Variants in ATXN10 observed in about 807,000 individuals in gnomAD.
ATXN10 encodes the protein ataxin-10.
Under a neutral mutation model 52.9 loss-of-function variants are expected in ATXN10, and 28 were observed. That is an observed-to-expected ratio of 0.53 (90% CI 0.39 to 0.73). The LOEUF is 0.73. ATXN10 is among the 30% of genes least tolerant of loss of function. The pLI is 0.00. For missense variants in ATXN10, 565 were observed against 577.0 expected (o/e 0.98, Z 0.21); for synonymous variants, 226 against 221.5 (o/e 1.02, Z -0.18).
At chr22:45,811,823 T>A (rs767733250) in intron 10 of ATXN10, 12 of 469,060 alleles carry the variant, frequency 2.6e-5, no homozygotes, top group South Asian at 1.9e-4. Flanking sequence ...TCATTCAGTG[T>A]CATGATCTTT....
intron 5 of ATXN10, among the ~76,000 whole-genome samples, chr22:45,703,765 C>T (rs1193376114): frequency 6.6e-6 from 1 of 152,182 alleles, no homozygotes; most frequent in Non-Finnish European, 1.5e-5. Context: ...CCTGAGGAGG[C>T]CTTCTTGACT....
At position 45,672,094 on chromosome 22, in the gene ATXN10, C is replaced by T. The variant is rs551371726; in HGVS notation, c.31C>T (p.Leu11=). Residue 11 remains leucine, a synonymous_variant, in exon 1 of 12, where the codon CTG becomes TTG. Transcript: ENST00000252934. ...GGCGCCCAGGCCGCCGCCTGCCAGG[C>T]TGTCGGGCGTCATGGTGCCGGCGCC... MAAPRPPPAR[L]SGVMVPAPIQ... 263 of 1,539,136 alleles carry T rather than the reference C, an allele frequency of 1.7e-4. No homozygotes were observed. The highest frequency in any genetic ancestry group is 2.1e-4 in the Non-Finnish European group (242 of 1,145,518).
chr22:45,776,379 A>T (rs745514207), intron 9 of ATXN10, among the ~76,000 whole-genome samples: 1 of 152,170 alleles, frequency 6.6e-6, no homozygotes, highest in Non-Finnish European at 1.5e-5. Context: ...TGCAGGTGTG[A>T]TGCGTGACAT....
At chr22:45,695,940 C>T (rs1475426890) in intron 3 of ATXN10, among the ~76,000 whole-genome samples, 1 of 152,066 alleles carries the variant, frequency 6.6e-6, no homozygotes, top group East Asian at 1.9e-4. Flanking sequence ...CTGTGATTTC[C>T]TAGTGTTTTC....
rs897471066 is a variant in ATXN10 at position 45,843,948 on chromosome 22, A to G, written c.*277A>G. 54 of 483,780 alleles carry G rather than the reference A, an allele frequency of 1.1e-4. No individual in the cohort carries two copies. Among genetic ancestry groups the G allele is most frequent in the Non-Finnish European group, 1.9e-4 (50 of 269,922 alleles). The allele number at this position is 483,780 out of a possible 1,614,324, so 30.0% of individuals were successfully genotyped here. A position where few individuals can be genotyped will look rare whatever the true frequency, so the allele number is the denominator to read the frequency against. On this transcript the variant is annotated 3_prime_UTR_variant, in exon 12 of 12. Transcript: ENST00000252934. This position sits in a 1 kb window ranked among gnomAD's most constrained non-coding sequence, Gnocchi z 4.5. ...TATTGTACTTACTGTGACAGCAGAT[A>G]ATAAACCAGTCTCTTGGAGGGCACA...
At chr22:45,794,315 A>G (rs1927631126) in intron 9 of ATXN10, among the ~76,000 whole-genome samples, 1 of 152,068 alleles carries the variant, frequency 6.6e-6, no homozygotes, top group Non-Finnish European at 1.5e-5. Flanking sequence ...TTTTCTGTCA[A>G]TTTTAACATT....
intron 3 of ATXN10, among the ~76,000 whole-genome samples, chr22:45,698,984 C>G (rs549344154): frequency 6.6e-6 from 1 of 152,212 alleles, no homozygotes; most frequent in South Asian, 2.1e-4. Flanking sequence ...TGTTACCACA[C>G]TTGAGGTAAG....
rs985156231 is a variant in ATXN10 at position 45,681,418 on chromosome 22, C to T, written c.117-8294C>T. On this transcript the variant is annotated intron_variant, in intron 1 of 11. Coordinates refer to ENST00000252934, the MANE Select transcript of ATXN10 (RefSeq NM_013236.4). This position sits in a 1 kb window ranked among gnomAD's most constrained non-coding sequence, Gnocchi z 4.2. Reference sequence around the variant, plus strand: ...TGCTTCATCAAGTCTTTAACCTCACCAGGACCTACAGTCTTTTGACCCTAT... The same window carrying T: ...TGCTTCATCAAGTCTTTAACCTCACTAGGACCTACAGTCTTTTGACCCTAT... Among the ~76,000 whole-genome samples the T allele has an allele frequency of 3.3e-5, 5 of 152,192 alleles. No individual in the cohort carries two copies. The highest frequency in any genetic ancestry group is 5.9e-5 in the Non-Finnish European group (4 of 68,036).
Position 45,738,790 on chromosome 22 carries a change from G to C in ATXN10, c.954G>C (p.Glu318Asp). The change falls in exon 8 of 12, where the codon GAG becomes GAC. Residue 318 changes from glutamate (E) to aspartate (D), a missense_variant. Glu to Asp is a conservative substitution (Grantham distance 45, BLOSUM62 2). Coordinates refer to ENST00000252934, the MANE Select transcript of ATXN10 (RefSeq NM_013236.4). ...DVLCEMTVNT[E>D]LLGYLQVFPG... ...TGTGCGAAATGACTGTGAATACTGAGCTGCTCGGCTATCTGCAGGTTTTCC... is the reference window on the plus strand; with the variant it reads ...TGTGCGAAATGACTGTGAATACTGACCTGCTCGGCTATCTGCAGGTTTTCC... 1 of 1,614,140 alleles carries C rather than the reference G, an allele frequency of 6.2e-7. No individual in the cohort carries two copies. The highest frequency in any genetic ancestry group is 8.5e-7 in the Non-Finnish European group (1 of 1,180,006).
rs1928723344 is a variant in ATXN10 at position 45,823,585 on chromosome 22, A to G, written c.1237+16563A>G. Among the ~76,000 whole-genome samples the G allele has an allele frequency of 6.6e-6, 1 of 152,118 alleles. No homozygotes were observed. Among genetic ancestry groups the G allele is most frequent in the Admixed American group, 6.5e-5 (1 of 15,276 alleles). On this transcript the variant is annotated intron_variant, in intron 10 of 11. Coordinates refer to ENST00000252934, the MANE Select transcript of ATXN10 (RefSeq NM_013236.4). The surrounding 1 kb of genome is among the most constrained non-coding windows in gnomAD (Gnocchi z 4.9). The stretch of plus-strand genomic sequence containing the variant: ...TGCTGTATTCTCTGTCCCTGGCCTG[A>G]TACTATACTCTTGTAATCATCGTGA...
intron 9 of ATXN10, among the ~76,000 whole-genome samples, chr22:45,758,619 G>C (rs1926262356): frequency 6.6e-6 from 1 of 152,228 alleles, no homozygotes; most frequent in East Asian, 1.9e-4. Context: ...CTATCTTTAA[G>C]ATGTTGTTTT....
At chr22:45,686,559 C>T (rs1399141021) in intron 1 of ATXN10, among the ~76,000 whole-genome samples, 1 of 152,080 alleles carries the variant, frequency 6.6e-6, no homozygotes, top group African/African-American at 2.4e-5. Context: ...GTGGCTCACG[C>T]ATGTAATCCC....
At chr22:45,755,255 T>C (rs1197731394) in intron 9 of ATXN10, among the ~76,000 whole-genome samples, 1 of 152,258 alleles carries the variant, frequency 6.6e-6, no homozygotes, top group South Asian at 2.1e-4. Context: ...ATTTTCATCG[T>C]GATAGGAATT....
rs1928466845 is a variant in ATXN10, at chr22:45,816,515, A to G, written c.1237+9493A>G. Among the ~76,000 whole-genome samples, 1 of 152,188 alleles carries G rather than the reference A, an allele frequency of 6.6e-6. No individual in the cohort carries two copies. Among genetic ancestry groups the G allele is most frequent in the Admixed American group, 6.5e-5 (1 of 15,286 alleles). ...TGCCTCTCCCTGAACATGACACACC[A>G]GAATACCCAGATATGTAACCTTTCC... On this transcript the variant is annotated intron_variant, in intron 10 of 11. Coordinates refer to ENST00000252934, the MANE Select transcript of ATXN10 (RefSeq NM_013236.4). This position sits in a 1 kb window ranked among gnomAD's most constrained non-coding sequence, Gnocchi z 5.8.
intron 7 of ATXN10, among the ~76,000 whole-genome samples, chr22:45,735,370 T>G (rs550485185): frequency 1.1e-4 from 16 of 152,210 alleles, no homozygotes; most frequent in Admixed American, 1.0e-3. Context: ...CGTAGCTTGC[T>G]ATATTCTCCA....
intron 1 of ATXN10, among the ~76,000 whole-genome samples, chr22:45,686,832 AAAAG>A (rs1213269873): frequency 4.6e-5 from 7 of 151,902 alleles, no homozygotes; most frequent in African/African-American, 1.4e-4. Context: ...AAAAAAAAAA[AAAAG>A]GAGATGTAAG....
intron 9 of ATXN10, among the ~76,000 whole-genome samples, chr22:45,779,082 A>T (rs1305691183): frequency 6.6e-6 from 1 of 152,136 alleles, no homozygotes; most frequent in African/African-American, 2.4e-5. Flanking sequence ...TATGAGATTT[A>T]TGAATTTTCT....
rs762913707 is a variant in ATXN10, at chr22:45,786,907, C to A, written c.1174-20052C>A. Among the ~76,000 whole-genome samples, 1 of 151,978 alleles carries A rather than the reference C, an allele frequency of 6.6e-6. No individual in the cohort carries two copies. The highest frequency in any genetic ancestry group is 2.4e-5 in the African/African-American group (1 of 41,374). The stretch of plus-strand genomic sequence containing the variant: ...TTTGTTTTGTTTTTGTCCAGTAATT[C>A]TTTTCGGAATTTCTCCAAAGGAAAT... On this transcript the variant is annotated intron_variant, in intron 9 of 11. Coordinates refer to ENST00000252934, the MANE Select transcript of ATXN10 (RefSeq NM_013236.4). This position sits in a 1 kb window ranked among gnomAD's most constrained non-coding sequence, Gnocchi z 4.1.
intron 9 of ATXN10, among the ~76,000 whole-genome samples, chr22:45,778,726 A>G (rs1409375799): frequency 6.6e-6 from 1 of 152,236 alleles, no homozygotes; most frequent in African/African-American, 2.4e-5. Flanking sequence ...AGCTAAGAGC[A>G]GTCTGAGATT....
Sources: allele counts gnomAD v4.1 joint callset (sites outside exome capture counted in the v4.1 genomes callset), GRCh38; gene constraint gnomAD v4.1.1; non-coding constraint Gnocchi (gnomAD v3.1); transcripts MANE v1.5; gene names NCBI Gene and HGNC (gene_info 2026-07-23, HGNC 2026-07-21).